Variants in IWS1 observed in about 807,000 individuals in gnomAD.
The protein encoded by IWS1 is protein IWS1 homolog.
In IWS1, 27 loss-of-function variants were observed where a neutral mutation model predicts 86.7. That is an observed-to-expected ratio of 0.31 (90% CI 0.23 to 0.43). The LOEUF is 0.43. Among genes scored for constraint, IWS1 ranks in the 20% least tolerant of loss-of-function variants. The pLI, the probability that IWS1 is intolerant of heterozygous loss-of-function variation, is 1.00. For missense variants in IWS1, 827 were observed against 1,000.8 expected, an observed-to-expected ratio of 0.83 and a Z score of 2.34; for synonymous variants, 313 against 335.1, an observed-to-expected ratio of 0.93 and a Z score of 0.72.
chr2:127,481,277 A>G, intron 13 of IWS1, 102 bp from the exon 14 acceptor site: 3 of 1,094,120 alleles, frequency 2.7e-6, no homozygotes, highest in African/African-American at 1.6e-5. Flanking sequence ...AAGAGCTTCT[A>G]GCTCTGGAAT....
intron 1 of IWS1, among the ~76,000 whole-genome samples, chr2:127,523,996 G>A (rs1164903124): frequency 6.6e-6 from 1 of 152,154 alleles, no homozygotes; most frequent in African/African-American, 2.4e-5. Flanking sequence ...ATACGTGGCA[G>A]CAAAACTACA....
rs1356163824 is a variant in IWS1 at position 127,499,094 on chromosome 2, T to C, written c.1468-857A>G. ...ATTTGCCAGGCATAATTTTTCTTTT[T>C]CTTTTTTTTTTTTTGAGACGGAGTC... On this transcript the variant is annotated intron_variant, in intron 5 of 13. Transcript: ENST00000295321. This position sits in a 1 kb window ranked among gnomAD's most constrained non-coding sequence, Gnocchi z 4.0. Among the ~76,000 whole-genome samples the C allele has an allele frequency of 5.3e-4, 6 of 11,374 alleles. No homozygotes were observed. Among genetic ancestry groups the C allele is most frequent in the Non-Finnish European group, 8.8e-4 (6 of 6,796 alleles). The allele number at this position is 11,374 out of a possible 152,430, so 7.5% of individuals were successfully genotyped here.
chr2:127,525,614 A>C (rs1692356372), intron 1 of IWS1, among the ~76,000 whole-genome samples: 1 of 152,192 alleles, frequency 6.6e-6, no homozygotes, highest in Non-Finnish European at 1.5e-5. Context: ...TTACAGAATA[A>C]ACAAACAGTA....
At chr2:127,504,284 G>A (rs1690982617) in intron 3 of IWS1, among the ~76,000 whole-genome samples, 1 of 152,072 alleles carries the variant, frequency 6.6e-6, no homozygotes, top group South Asian at 2.1e-4. Flanking sequence ...ATGTACCTGT[G>A]GGAGCTGTTA....
intron 1 of IWS1, among the ~76,000 whole-genome samples, chr2:127,525,371 T>C (rs964841341): frequency 2.0e-5 from 3 of 152,254 alleles, no homozygotes; most frequent in Non-Finnish European, 2.9e-5. Context: ...GGCTTAACGC[T>C]TAAACAATTA....
rs1692410221 is a variant in IWS1, at chr2:127,526,267, C to A, written c.-59G>T. 4 of 1,547,736 alleles carry A rather than the reference C, an allele frequency of 2.6e-6. No homozygotes were observed. The East Asian group carries it at 9.8e-5, about 38-fold the overall frequency. ...CCCGCGCCGCCCCCGTCACCTCCTT[C>A]CAGGCGGTGTGACCCCGGATGGCGC... On this transcript the variant is annotated 5_prime_UTR_variant, in exon 1 of 14. Coordinates refer to ENST00000295321, the MANE Select transcript of IWS1 (RefSeq NM_017969.3).
At chr2:127,520,281 G>A (rs1183627551) in intron 2 of IWS1, among the ~76,000 whole-genome samples, 1 of 152,100 alleles carries the variant, frequency 6.6e-6, no homozygotes, top group Non-Finnish European at 1.5e-5. Context: ...AGATTCTCCT[G>A]CCTCAGCCTC....
At chr2:127,523,833 G>T in intron 1 of IWS1, 42 bp from the exon 2 acceptor site, 1 of 1,306,892 alleles carries the variant, frequency 7.7e-7, no homozygotes, top group Non-Finnish European at 1.1e-6. Context: ...GGTGTAAGAT[G>T]AATGACATCT....
rs1690432705 is a variant in IWS1 at position 127,494,889 on chromosome 2, T to C, written c.1782A>G (p.Val594=). 1.2e-6 allele frequency: 2 copies of C among 1,600,530 alleles called. No homozygotes were observed. Among genetic ancestry groups the C allele is most frequent in the Non-Finnish European group, 1.7e-6 (2 of 1,171,398 alleles). Reference sequence around the variant, plus strand: ...ATACTTACTTCTTAAGGTGCATAACTACAGCAGGCAGTAAAGTTAATTTTT... The same window carrying C: ...ATACTTACTTCTTAAGGTGCATAACCACAGCAGGCAGTAAAGTTAATTTTT... ...ALKKLTLLPA[V]VMHLKKQDLK... is the part of the protein sequence containing the mutation. The change falls in exon 8 of 14, where the codon GTA becomes GTG. Residue 594 remains valine, a synonymous_variant. Coordinates refer to ENST00000295321, the MANE Select transcript of IWS1 (RefSeq NM_017969.3).
chr2:127,523,655 A>T, intron 2 of IWS1, 21 bp downstream of exon 2: 1 of 1,512,456 alleles, frequency 6.6e-7, no homozygotes, highest in Non-Finnish European at 9.2e-7. Context: ...AGCCCTCCCA[A>T]AGATGTTGGT....
At chr2:127,501,719 C>G (rs1342362327) in intron 5 of IWS1, 1 of 148,764 alleles carries the variant, frequency 6.7e-6, no homozygotes, top group African/African-American at 2.5e-5. Context: ...CCCACCCCCT[C>G]CCACCCCATT....
chr2:127,523,220 GCATT>G (rs1399016319), intron 2 of IWS1, among the ~76,000 whole-genome samples: 1 of 151,748 alleles, frequency 6.6e-6, no homozygotes, highest in Non-Finnish European at 1.5e-5. Context: ...AAAAAAAAAA[GCATT>G]ATTATTACAT....
At chr2:127,508,325 G>A (rs1415893362) in intron 2 of IWS1, among the ~76,000 whole-genome samples, 1 of 147,822 alleles carries the variant, frequency 6.8e-6, no homozygotes, top group African/African-American at 2.4e-5. Context: ...AAGTGTACTG[G>A]AAGTGCATCT....
intron 12 of IWS1, among the ~76,000 whole-genome samples, chr2:127,488,569 G>GT (rs1690055106): frequency 6.6e-6 from 1 of 152,162 alleles, no homozygotes; most frequent in Non-Finnish European, 1.5e-5. Context: ...CTGTTTAGCT[G>GT]TATCACTGCC....
rs1690922379 is a variant in IWS1 at position 127,503,458 on chromosome 2, T to C, written c.1338A>G (p.Lys446=). 3 of 1,613,600 alleles carry C rather than the reference T, an allele frequency of 1.9e-6. No homozygotes were observed. Among genetic ancestry groups the C allele is most frequent in the Non-Finnish European group, 2.5e-6 (3 of 1,179,734 alleles). ...CTTCATTTTTCTTATCAGACAATTC[T>C]TTCCCAGCTTCTTCCTCACTGTCAG... The part of the protein sequence containing the change: ...IASDSEEEAG[K]ELSDKKNEEK... Residue 446 remains lysine, a synonymous_variant, in exon 4 of 14, where the codon AAA becomes AAG. Coordinates refer to ENST00000295321, the MANE Select transcript of IWS1 (RefSeq NM_017969.3).
chr2:127,482,565 T>C (rs1689687462), intron 13 of IWS1: 1 of 152,270 alleles, frequency 6.6e-6, no homozygotes, highest in Non-Finnish European at 1.5e-5. Context: ...TCGGAAGCTT[T>C]ACCTGCTCAA....
At chr2:127,525,975 A>T (rs1370372680) in intron 1 of IWS1, among the ~76,000 whole-genome samples, 200 bp downstream of exon 1, 3 of 152,230 alleles carry the variant, frequency 2.0e-5, no homozygotes, top group Non-Finnish European at 2.9e-5. Context: ...TTCAGAAGAA[A>T]GCTTTCCCAC....
Position 127,505,187 on chromosome 2 carries a change from T to C in IWS1, c.716A>G (p.Asn239Ser). Residue 239 changes from asparagine (N) to serine (S), a missense_variant, in exon 3 of 14, where the codon AAT becomes AGT. Asn to Ser is a conservative substitution (Grantham distance 46, BLOSUM62 1). Transcript: ENST00000295321. The surrounding 1 kb of genome is among the most constrained non-coding windows in gnomAD (Gnocchi z 5.0). ...PPRHQASDSE[N>S]EELPKPRISD... ...GATACGAGGTTTGGGAAGCTCCTCA[T>C]TTTCAGAGTCACTGGCCTGGTGCCT... 2 of 1,613,768 alleles carry C rather than the reference T, an allele frequency of 1.2e-6. No individual in the cohort carries two copies. Among genetic ancestry groups the C allele is most frequent in the Non-Finnish European group, 1.7e-6 (2 of 1,179,906 alleles).
At chr2:127,498,026 T>C (rs570436206) in intron 6 of IWS1, 114 bp downstream of exon 6, 11 of 731,702 alleles carry the variant, frequency 1.5e-5, no homozygotes, top group Admixed American at 2.7e-5. Flanking sequence ...AAAACAGGAA[T>C]AGACCCACTC....
Sources: allele counts gnomAD v4.1 joint callset (sites outside exome capture counted in the v4.1 genomes callset), GRCh38; gene constraint gnomAD v4.1.1; non-coding constraint Gnocchi (gnomAD v3.1); transcripts MANE v1.5; gene names NCBI Gene and HGNC (gene_info 2026-07-23, HGNC 2026-07-21).